SENP1: variants seen among roughly 807,000 people sequenced by gnomAD.
SENP1 encodes the protein sentrin-specific protease 1.
In SENP1, 21 loss-of-function variants were observed where a neutral mutation model predicts 93.0. The ratio of observed to expected loss-of-function variants is 0.23; its 90% CI spans 0.16 to 0.33. The LOEUF is 0.33. SENP1 is among the 10% of genes least tolerant of loss of function. The probability of loss-of-function intolerance (pLI) is 1.00; values close to 1 mark genes in which losing one functional copy is unlikely to be tolerated. For synonymous variants in SENP1, 256 were observed against 259.6 expected, an observed-to-expected ratio of 0.99 and a Z score of 0.13; for missense variants, 591 against 758.7, an observed-to-expected ratio of 0.78 and a Z score of 2.60.
At chr12:48,056,437 A>AATTATTTAATATATTACATATATAAATAT (rs1942367965) in intron 13 of SENP1, among the ~76,000 whole-genome samples, 1 of 85,408 alleles carries the variant, frequency 1.2e-5, no homozygotes, top group African/African-American at 6.7e-5. Context: ...TTACATATAT[A>AATTATTTAATATATTACATATATAAATAT]ATTATTTAAT....
At chr12:48,059,402 C>T (rs1942808807) in intron 13 of SENP1, among the ~76,000 whole-genome samples, 1 of 151,946 alleles carries the variant, frequency 6.6e-6, no homozygotes, top group African/African-American at 2.4e-5. Context: ...ATTTTTATTT[C>T]AGATATATTT....
At chr12:48,086,793 G>T (rs1944894762) in intron 5 of SENP1, among the ~76,000 whole-genome samples, 1 of 152,090 alleles carries the variant, frequency 6.6e-6, no homozygotes, top group Admixed American at 6.6e-5. Context: ...ATCCCAGGAA[G>T]GGATCGGGAG....
intron 10 of SENP1, 128 bp from the exon 11 acceptor site, chr12:48,065,808 A>G (rs1943257827): frequency 1.6e-6 from 1 of 606,092 alleles, no homozygotes; most frequent in Admixed American, 3.1e-5. Flanking sequence ...CTAACTTATC[A>G]TCCTTATTTT....
chr12:48,104,336 G>A (rs1055436685), intron 1 of SENP1, among the ~76,000 whole-genome samples: 2 of 145,960 alleles, frequency 1.4e-5, no homozygotes, highest in Non-Finnish European at 3.0e-5. Context: ...ACCAAGATGT[G>A]GTTAGAACAA....
chr12:48,102,006 A>G (rs1945969216), intron 1 of SENP1, among the ~76,000 whole-genome samples: 1 of 152,226 alleles, frequency 6.6e-6, no homozygotes, highest in Admixed American at 6.5e-5. Flanking sequence ...ACTACTCTGG[A>G]GTAATACAAA....
chr12:48,103,525 A>G (rs2137363414), intron 1 of SENP1, among the ~76,000 whole-genome samples: 1 of 152,204 alleles, frequency 6.6e-6, no homozygotes, highest in East Asian at 1.9e-4. Flanking sequence ...ACATCCAGCT[A>G]CTTCAGTGTG....
chr12:48,066,902 A>C (rs186494479), intron 10 of SENP1, 25 bp downstream of exon 10: 20 of 1,512,892 alleles, frequency 1.3e-5, no homozygotes, highest in Non-Finnish European at 1.7e-5. Flanking sequence ...ATTGAGAAGG[A>C]AAAATGATAC....
rs1941235168 is a variant in SENP1 at position 48,044,651 on chromosome 12, G to A, written c.*671C>T. ...ACGGAAAGGACTGCTTGGAACTTTG[G>A]GACCTGTCCAGGGCTCATGTGCTGT... On this transcript the variant is annotated 3_prime_UTR_variant, in exon 18 of 18. Coordinates refer to ENST00000549518, the MANE Select transcript of SENP1 (RefSeq NM_001267594.2). 1 of 152,000 alleles carries A rather than the reference G, an allele frequency of 6.6e-6. No individual in the cohort carries two copies. Among genetic ancestry groups the A allele is most frequent in the Non-Finnish European group, 1.5e-5 (1 of 68,016 alleles). The allele number at this position is 152,000 out of a possible 1,614,324, so 9.4% of individuals were successfully genotyped here.
rs1945731130 is a variant in SENP1, at chr12:48,098,738, T to C, written c.5-614A>G. Among the ~76,000 whole-genome samples the C allele has an allele frequency of 2.0e-5, 3 of 151,120 alleles. No individual in the cohort carries two copies. In the South Asian group the frequency reaches 6.3e-4, roughly 32 times the overall value. The stretch of plus-strand genomic sequence containing the variant: ...AGGCAGGAGGACTGTTTTGAGCCCA[T>C]GAGTTCAAATTTACAGTGAGCTATC... On this transcript the variant is annotated intron_variant, in intron 2 of 17. Coordinates refer to ENST00000549518, the MANE Select transcript of SENP1 (RefSeq NM_001267594.2).
intron 13 of SENP1, among the ~76,000 whole-genome samples, chr12:48,058,349 A>G (rs1942728926): frequency 6.6e-6 from 1 of 152,158 alleles, no homozygotes; most frequent in Admixed American, 6.5e-5. Flanking sequence ...TTTAATATCA[A>G]TGTGGTTGAG....
At chr12:48,098,179 C>T in intron 2 of SENP1, 55 bp from the exon 3 acceptor site, 1 of 1,554,978 alleles carries the variant, frequency 6.4e-7, no homozygotes, top group Non-Finnish European at 8.8e-7. Flanking sequence ...TAACGTTTTT[C>T]CTATGAACCA....
chr12:48,093,105 CTGACA>C (rs1170608412), intron 4 of SENP1, among the ~76,000 whole-genome samples: 1 of 152,048 alleles, frequency 6.6e-6, no homozygotes, highest in Non-Finnish European at 1.5e-5. Flanking sequence ...GAAAGATAAC[CTGACA>C]TATTAGGTAA....
intron 1 of SENP1, 129 bp downstream of exon 1, chr12:48,105,899 G>T (rs1218979731): frequency 3.2e-6 from 2 of 623,158 alleles, no homozygotes; most frequent in East Asian, 5.5e-5. Flanking sequence ...CAGAGGAAAA[G>T]GCGCCGGCCC....
chr12:48,103,345 C>T (rs1423171431), intron 1 of SENP1, among the ~76,000 whole-genome samples: 1 of 152,196 alleles, frequency 6.6e-6, no homozygotes, highest in African/African-American at 2.4e-5. Context: ...TATCCTGACT[C>T]CAGGGCAAAT....
rs1388188036 is a variant in SENP1, at chr12:48,063,732, T to C, written c.1385A>G (p.His462Arg). ...TACCTCATCATTGAGCCAATTCAGA[T>C]GGTTTAGAGTTTGAATATCTTTGCG... is the stretch of plus-strand genomic sequence containing the variant. ...ITRKDIQTLN[H>R]LNWLNDEIIN... The change falls in exon 13 of 18, where the codon CAT becomes CGT. Residue 462 changes from histidine to arginine, a missense_variant. His to Arg is a conservative substitution (Grantham distance 29). Coordinates refer to ENST00000549518, the MANE Select transcript of SENP1 (RefSeq NM_001267594.2). 4 of 1,613,000 alleles carry C rather than the reference T, an allele frequency of 2.5e-6. No homozygotes were observed. The highest frequency in any genetic ancestry group is 2.5e-6 in the Non-Finnish European group (3 of 1,179,304).
chr12:48,055,853 T>C (rs1942213847), intron 13 of SENP1, among the ~76,000 whole-genome samples: 1 of 143,012 alleles, frequency 7.0e-6, no homozygotes, highest in South Asian at 2.1e-4. Flanking sequence ...TATTAATGTA[T>C]AAGGTATAAT....
intron 6 of SENP1, chr12:48,080,222 T>G (rs1020846426): frequency 2.0e-5 from 3 of 152,032 alleles, no homozygotes; most frequent in African/African-American, 7.2e-5. Flanking sequence ...ACTAGCCACA[T>G]GTGGCTAATG....
In SENP1 at chr12:48,044,840, T is replaced by TTG. The variant is rs141876787; in HGVS notation, c.*480_*481dup. 6.0e-4 allele frequency: 94 copies of TTG among 155,670 alleles called. No homozygotes were observed. Among genetic ancestry groups the TTG allele is most frequent in the African/African-American group, 6.5e-4 (27 of 41,322 alleles). The allele number at this position is 155,670 out of a possible 1,614,324, so 9.6% of individuals were successfully genotyped here. On this transcript the variant is annotated 3_prime_UTR_variant, in exon 18 of 18. Transcript: ENST00000549518. Reference sequence around the variant, plus strand: ...CATTCCTGACCATACATCGTGAAAATTGTGTGTGTGTGTGTGTTTGTGTGT... The same window carrying TTG: ...CATTCCTGACCATACATCGTGAAAATTGTGTGTGTGTGTGTGTGTTTGTGTGT...
In SENP1 at chr12:48,042,919, T is replaced by G. The variant is rs899633996; in HGVS notation, c.*2403A>C. 1 of 152,140 alleles carries G rather than the reference T, an allele frequency of 6.6e-6. No homozygotes were observed. The highest frequency in any genetic ancestry group is 1.5e-5 in the Non-Finnish European group (1 of 68,012). The allele number at this position is 152,140 out of a possible 1,614,324, so 9.4% of individuals were successfully genotyped here. ...GGGAACACAGGAGAAAAAAGTCTTA[T>G]TTAGTTTAAAGTAAATTACATAAGA... is the stretch of plus-strand genomic sequence containing the variant. On this transcript the variant is annotated 3_prime_UTR_variant, in exon 18 of 18. Transcript: ENST00000549518.
Sources: allele counts gnomAD v4.1 joint callset (sites outside exome capture counted in the v4.1 genomes callset), GRCh38; gene constraint gnomAD v4.1.1; transcripts MANE v1.5; gene names NCBI Gene and HGNC (gene_info 2026-07-23, HGNC 2026-07-21).